The following AR variants were observed in gnomAD, a reference collection of about 807,000 sequenced individuals.
The protein encoded by AR is dihydrotestosterone receptor.
AR carries 8 observed loss-of-function variants against 53.9 expected under a neutral mutation model. The observed-to-expected ratio is 0.15, with a 90% CI of 0.09 to 0.27. The LOEUF is 0.27. Ranked by LOEUF, AR falls within the 10% of genes least tolerant of loss-of-function variation. The probability of loss-of-function intolerance (pLI) is 1.00; values close to 1 mark genes in which losing one functional copy is unlikely to be tolerated. For synonymous variants in AR, 359 were observed against 316.4 expected (o/e 1.13, Z -1.43); for missense variants, 639 against 742.5 (o/e 0.86, Z 1.62).
intron 1 of AR, among the ~76,000 whole-genome samples, chrX:67,577,716 G>A (rs1353875119): frequency 1.8e-5 from 2 of 111,178 alleles, no homozygotes; most frequent in African/African-American, 3.3e-5. Context: ...TCATGCTTTT[G>A]ATTTGCATTT....
chrX:67,553,981 C>T (rs1194271495), intron 1 of AR, among the ~76,000 whole-genome samples: 1 of 112,161 alleles, frequency 8.9e-6, no homozygotes, highest in Non-Finnish European at 1.9e-5. Context: ...AAAGTTAAAG[C>T]TTACTTCATT....
intron 1 of AR, among the ~76,000 whole-genome samples, chrX:67,628,738 G>A (rs1924861147): frequency 1.8e-5 from 2 of 111,799 alleles, no homozygotes; most frequent in Non-Finnish European, 3.8e-5. Flanking sequence ...AATGCTTCCA[G>A]TTTTTGACCA....
intron 1 of AR, among the ~76,000 whole-genome samples, chrX:67,609,727 A>G (rs913183542): frequency 1.8e-5 from 2 of 111,183 alleles, no homozygotes; most frequent in African/African-American, 6.5e-5. Flanking sequence ...ATGTATATCA[A>G]TTTTTCCACA....
chrX:67,631,335 G>C (rs367798042), intron 1 of AR, among the ~76,000 whole-genome samples: 1 of 110,889 alleles, frequency 9.0e-6, no homozygotes, highest in East Asian at 2.8e-4. Context: ...GGCTTTGCTC[G>C]TTTCTTTTTA....
chrX:67,558,428 G>A (rs1156667151), intron 1 of AR, among the ~76,000 whole-genome samples: 2 of 111,743 alleles, frequency 1.8e-5, no homozygotes, highest in Non-Finnish European at 3.8e-5. Flanking sequence ...CTCCCAGGAA[G>A]TCTGGCTTCT....
At chrX:67,662,736 C>T (rs993427684) in intron 2 of AR, among the ~76,000 whole-genome samples, 7 of 110,698 alleles carry the variant, frequency 6.3e-5, no homozygotes, top group African/African-American at 2.3e-4. Context: ...TTAAAGTCTC[C>T]CATTATTATT....
intron 2 of AR, among the ~76,000 whole-genome samples, chrX:67,652,639 G>A (rs1926398712): frequency 9.0e-6 from 1 of 111,616 alleles, no homozygotes; most frequent in Non-Finnish European, 1.9e-5. Context: ...CTAATTAGCA[G>A]AGTCACAGAG....
chrX:67,555,869 T>A (rs1048185086), intron 1 of AR, among the ~76,000 whole-genome samples: 2 of 112,656 alleles, frequency 1.8e-5, no homozygotes, highest in Non-Finnish European at 3.7e-5. Flanking sequence ...GCCAAGGCCC[T>A]ATCGCAGGAT....
intron 3 of AR, among the ~76,000 whole-genome samples, chrX:67,686,382 C>T (rs966724599): frequency 1.8e-5 from 2 of 111,532 alleles, no homozygotes; most frequent in Admixed American, 9.5e-5. Context: ...CAGGAGCCAA[C>T]AGAAGGTGAG....
intron 1 of AR, among the ~76,000 whole-genome samples, chrX:67,553,989 A>G: frequency 8.9e-6 from 1 of 112,001 alleles, no homozygotes; most frequent in South Asian, 3.7e-4. Context: ...AGCTTACTTC[A>G]TTTCATCCTG....
intron 1 of AR, among the ~76,000 whole-genome samples, chrX:67,636,913 C>T (rs1323089971): frequency 2.7e-5 from 3 of 111,613 alleles, no homozygotes; most frequent in East Asian, 2.8e-4. Context: ...CACTATTTAT[C>T]TTCCTCTTCC....
intron 1 of AR, chrX:67,569,000 C>T (rs1921681116): frequency 2.5e-6 from 3 of 1,210,680 alleles, no homozygotes; most frequent in East Asian, 5.9e-5. Flanking sequence ...GTCACTTTTT[C>T]CCATGATACT....
At chrX:67,683,032 A>G (rs1372373524) in intron 2 of AR, among the ~76,000 whole-genome samples, 1 of 112,108 alleles carries the variant, frequency 8.9e-6, no homozygotes, top group South Asian at 3.7e-4. Context: ...TTTATGCTTT[A>G]TGTGATCACC....
At chrX:67,702,046 A>G (rs1333778871) in intron 3 of AR, among the ~76,000 whole-genome samples, 1 of 111,631 alleles carries the variant, frequency 9.0e-6, no homozygotes, top group Non-Finnish European at 1.9e-5. Flanking sequence ...GAGGCAGTAG[A>G]GAGAATATGG....
chrX:67,724,041 C>CCTAT lies in AR; in HGVS notation c.*204_*207dup. 2 of 487,580 alleles carry CCTAT rather than the reference C, an allele frequency of 4.1e-6. No individual in the cohort carries two copies. Among genetic ancestry groups the CCTAT allele is most frequent in the East Asian group, 7.6e-5 (2 of 26,459 alleles). 40.2% of individuals were successfully genotyped at this position (487,580 alleles called of 1,213,427 possible). A position where few individuals can be genotyped will look rare whatever the true frequency, so the allele number is the denominator to read the frequency against. ...TCTCCTTTCTTTTTCTTCTTCCCTC[C>CCTAT]CTATCTAACCCTCCCATGGCACCTT... On this transcript the variant is annotated 3_prime_UTR_variant, in exon 8 of 8. Transcript: ENST00000374690.
At chrX:67,562,929 A>G (rs947915204) in intron 1 of AR, among the ~76,000 whole-genome samples, 1 of 112,013 alleles carries the variant, frequency 8.9e-6, no homozygotes, top group African/African-American at 3.2e-5. Flanking sequence ...AGGTGCTGAA[A>G]TATTAGTTCC....
chrX:67,669,139 A>G (rs1358959463), intron 2 of AR, among the ~76,000 whole-genome samples: 1 of 110,798 alleles, frequency 9.0e-6, no homozygotes, highest in East Asian at 2.8e-4. Context: ...ATGCATTGTT[A>G]GGTTATTTAT....
chrX:67,556,328 A>T (rs1469365644), intron 1 of AR, among the ~76,000 whole-genome samples: 1 of 111,286 alleles, frequency 9.0e-6, no homozygotes, highest in Non-Finnish European at 1.9e-5. Context: ...TACCTTATAG[A>T]TGGGAAACAT....
At chrX:67,558,792 A>G (rs893849071) in intron 1 of AR, among the ~76,000 whole-genome samples, 74 of 112,341 alleles carry the variant, frequency 6.6e-4, no homozygotes, top group African/African-American at 2.3e-3. Context: ...AAAATTGCCA[A>G]TTTTTACAGT....
Sources: gnomAD v4.1 joint callset for allele counts (sites outside exome capture counted in the v4.1 genomes callset) on GRCh38, gnomAD v4.1.1 for gene constraint, MANE v1.5 for transcripts, NCBI Gene and HGNC (gene_info 2026-07-23, HGNC 2026-07-21) for gene names.